The following NRXN1 variants were observed in gnomAD, a reference collection of about 807,000 sequenced individuals.
NRXN1 encodes the protein neurexin-1.
A neutral mutation model predicts 150.9 loss-of-function variants in NRXN1; 39 were observed. The ratio of observed to expected loss-of-function variants is 0.26; its 90% CI spans 0.20 to 0.34. The LOEUF is 0.34. Ranked by LOEUF, NRXN1 falls within the 10% of genes least tolerant of loss-of-function variation. The pLI is 1.00. For synonymous variants in NRXN1, 924 were observed against 757.0 expected (o/e 1.22, Z -3.62); for missense variants, 1,815 against 1,949.9 (o/e 0.93, Z 1.30).
intron 15 of NRXN1, among the ~76,000 whole-genome samples, chr2:50,481,257 G>GAGTTGTGGCT (rs1341671743): frequency 6.6e-6 from 1 of 152,170 alleles, no homozygotes; most frequent in Non-Finnish European, 1.5e-5. Context: ...AAATTTTGGA[G>GAGTTGTGGCT]AGTTGTGGCT....
At position 50,616,751 on chromosome 2, in the gene NRXN1, C is replaced by A. The variant is rs530649594; in HGVS notation, c.1320+3271G>T. On this transcript the variant is annotated intron_variant, in intron 8 of 22. Transcript: ENST00000401669. ...CATTCTAACACTCCAAAATTTCTTCCATGACTTCAGACAAGGTGTTATTAG... is the reference window on the plus strand; with the variant it reads ...CATTCTAACACTCCAAAATTTCTTCAATGACTTCAGACAAGGTGTTATTAG... Among the ~76,000 whole-genome samples, 160 of 152,166 alleles carry A rather than the reference C, an allele frequency of 1.1e-3. 3 individuals are homozygous for A. The highest frequency in any genetic ancestry group is 1.2e-4 in the Non-Finnish European group (8 of 68,006).
At chr2:50,778,515 G>C (rs1703946513) in intron 5 of NRXN1, among the ~76,000 whole-genome samples, 2 of 152,166 alleles carry the variant, frequency 1.3e-5, no homozygotes, top group Non-Finnish European at 2.9e-5. Context: ...TAGAACCTTG[G>C]TGAGACAAGA....
At chr2:50,385,786 A>G (rs1191451241) in intron 17 of NRXN1, among the ~76,000 whole-genome samples, 3 of 152,218 alleles carry the variant, frequency 2.0e-5, no homozygotes, top group Admixed American at 6.5e-5. Context: ...GATAAAAGTA[A>G]CAGAAGGCAT....
intron 17 of NRXN1, among the ~76,000 whole-genome samples, chr2:50,251,274 G>A (rs139314605): frequency 0.01 from 1,544 of 151,998 alleles, 31 homozygotes; most frequent in African/African-American, 0.035. Context: ...AACTGAGAAC[G>A]TGCACTGTTT....
At chr2:50,191,205 G>T (rs3845241) in intron 18 of NRXN1, among the ~76,000 whole-genome samples, 21,849 of 130,908 alleles carry the variant, frequency 0.17, 1,784 homozygotes, top group East Asian at 0.21. Flanking sequence ...ATTGTTTTTT[G>T]TTTTTTTTTT....
chr2:50,061,671 T>C (rs1694556043), intron 19 of NRXN1, among the ~76,000 whole-genome samples: 1 of 152,208 alleles, frequency 6.6e-6, no homozygotes, highest in South Asian at 2.1e-4. Flanking sequence ...CAAATAGGCT[T>C]GATTTATAAA....
intron 5 of NRXN1, among the ~76,000 whole-genome samples, chr2:50,638,240 A>G (rs927580609): frequency 4.1e-4 from 63 of 152,236 alleles, no homozygotes; most frequent in African/African-American, 1.5e-3. Flanking sequence ...CTTTAACAAT[A>G]TTGGGGTGGA....
At chr2:50,122,562 C>G (rs1196875876) in intron 18 of NRXN1, among the ~76,000 whole-genome samples, 1 of 152,206 alleles carries the variant, frequency 6.6e-6, no homozygotes, top group African/African-American at 2.4e-5. Flanking sequence ...ACATTTCAGT[C>G]TCATCTGACA....
At chr2:50,685,479 T>A (rs1401273964) in intron 5 of NRXN1, among the ~76,000 whole-genome samples, 1 of 152,152 alleles carries the variant, frequency 6.6e-6, no homozygotes, top group Admixed American at 6.6e-5. Flanking sequence ...ATCACCATTA[T>A]CTCCATTGCT....
chr2:50,973,793 T>C (rs763929553), intron 2 of NRXN1, among the ~76,000 whole-genome samples: 49 of 152,166 alleles, frequency 3.2e-4, no homozygotes, highest in Non-Finnish European at 6.3e-4. Context: ...TTTATAATTG[T>C]AGCTTCATAT....
intron 19 of NRXN1, among the ~76,000 whole-genome samples, chr2:50,064,438 T>A (rs1178764382): frequency 6.6e-6 from 1 of 151,386 alleles, no homozygotes; most frequent in African/African-American, 2.4e-5. Context: ...ATCTTCTTTT[T>A]TTTTTTCTAA....
chr2:50,367,722 T>C (rs953271006), intron 17 of NRXN1, among the ~76,000 whole-genome samples: 9 of 152,016 alleles, frequency 5.9e-5, no homozygotes, highest in African/African-American at 2.2e-4. Flanking sequence ...TATTCTTGCC[T>C]CAGTTAATGT....
chr2:50,119,341 C>A (rs1484829756), intron 18 of NRXN1, among the ~76,000 whole-genome samples: 1 of 139,594 alleles, frequency 7.2e-6, no homozygotes, highest in Non-Finnish European at 1.6e-5. Context: ...ATGCTCCCCA[C>A]AAAGTAAACA....
chr2:50,614,636 T>TA (rs374009480), intron 8 of NRXN1, among the ~76,000 whole-genome samples: 52 of 122,408 alleles, frequency 4.2e-4, no homozygotes, highest in East Asian at 3.2e-3. Context: ...TAAAGTATAA[T>TA]AAAAATATAT....
At chr2:50,373,534 G>A (rs1334472682) in intron 17 of NRXN1, among the ~76,000 whole-genome samples, 1 of 149,444 alleles carries the variant, frequency 6.7e-6, no homozygotes, top group Non-Finnish European at 1.5e-5. Flanking sequence ...TAAATTTCAA[G>A]GTCATATTGG....
chr2:50,727,132 A>G (rs1187780020), intron 5 of NRXN1, among the ~76,000 whole-genome samples: 1 of 152,174 alleles, frequency 6.6e-6, no homozygotes, highest in East Asian at 1.9e-4. Context: ...TGAAGCAAGA[A>G]TTATCAAGTA....
chr2:50,896,630 T>C (rs1311713879), intron 5 of NRXN1, among the ~76,000 whole-genome samples: 2 of 152,012 alleles, frequency 1.3e-5, no homozygotes, highest in East Asian at 3.9e-4. Context: ...GTGGATCACT[T>C]AAAATCAGGA....
intron 18 of NRXN1, among the ~76,000 whole-genome samples, chr2:50,231,703 T>C (rs1264024889): frequency 6.6e-6 from 1 of 152,092 alleles, no homozygotes; most frequent in Non-Finnish European, 1.5e-5. Context: ...TCAGAACCAA[T>C]GCACATGTTA....
intron 5 of NRXN1, among the ~76,000 whole-genome samples, chr2:50,709,516 T>A (rs902296953): frequency 1.2e-4 from 18 of 152,048 alleles, no homozygotes; most frequent in African/African-American, 4.3e-4. Context: ...CCAAACTGAA[T>A]CACTTCAGAG....
Sources: gnomAD v4.1 joint callset for allele counts (sites outside exome capture counted in the v4.1 genomes callset) on GRCh38, gnomAD v4.1.1 for gene constraint, MANE v1.5 for transcripts, NCBI Gene and HGNC (gene_info 2026-07-23, HGNC 2026-07-21) for gene names.